ARSJ: variants seen among roughly 807,000 people sequenced by gnomAD.
ARSJ encodes the protein arylsulfatase family member J.
Under a neutral mutation model 35.9 loss-of-function variants are expected in ARSJ, and 26 were observed. The observed-to-expected ratio is 0.72, with a 90% CI of 0.53 to 1.00. ARSJ has a LOEUF of 1.00. ARSJ is among the 50% of genes least tolerant of loss of function. ARSJ has a pLI of 0.00. For missense variants in ARSJ, 667 were observed against 723.6 expected (o/e 0.92, Z 0.90); for synonymous variants, 294 against 267.6 (o/e 1.10, Z -0.96).
chr4:113,965,717 C>T (rs997686455), intron 1 of ARSJ, among the ~76,000 whole-genome samples: 1 of 151,946 alleles, frequency 6.6e-6, no homozygotes, highest in Admixed American at 6.6e-5. Flanking sequence ...ACTTTATGCT[C>T]AACTAAATCT....
intron 1 of ARSJ, among the ~76,000 whole-genome samples, chr4:113,925,937 G>C (rs1184290461): frequency 6.6e-6 from 1 of 152,156 alleles, no homozygotes; most frequent in Non-Finnish European, 1.5e-5. Context: ...AGCCAGGTCA[G>C]CCTTGGTGAG....
chr4:113,940,113 A>T (rs972546429), intron 1 of ARSJ, among the ~76,000 whole-genome samples: 1 of 152,114 alleles, frequency 6.6e-6, no homozygotes, highest in Non-Finnish European at 1.5e-5. Flanking sequence ...CAAAAACACC[A>T]TTTGCCCCAG....
At chr4:113,907,481 G>A (rs1158902297) in intron 1 of ARSJ, among the ~76,000 whole-genome samples, 1 of 151,930 alleles carries the variant, frequency 6.6e-6, no homozygotes, top group East Asian at 1.9e-4. Flanking sequence ...TTAGTTGGGG[G>A]TAAGAATGAT....
chr4:113,922,255 C>A (rs1394545132), intron 1 of ARSJ, among the ~76,000 whole-genome samples: 10 of 152,046 alleles, frequency 6.6e-5, no homozygotes, highest in Admixed American at 6.6e-4. Context: ...TACAAACCAG[C>A]CCAAATCAAA....
intron 1 of ARSJ, among the ~76,000 whole-genome samples, chr4:113,934,635 G>T (rs1724658254): frequency 1.3e-5 from 2 of 151,654 alleles, no homozygotes; most frequent in South Asian, 4.2e-4. Flanking sequence ...AGCTAGAAGA[G>T]AATAATTTGA....
chr4:113,903,971 G>A (rs965340549), intron 1 of ARSJ, among the ~76,000 whole-genome samples: 2 of 152,190 alleles, frequency 1.3e-5, no homozygotes, highest in Non-Finnish European at 2.9e-5. Flanking sequence ...CACCCAGGGT[G>A]GAGTGCAGTG....
chr4:113,919,323 G>A (rs9995469), intron 1 of ARSJ, among the ~76,000 whole-genome samples: 107,598 of 151,906 alleles, frequency 0.71, 38,889 homozygotes, highest in East Asian at 0.81. Flanking sequence ...AGAAAAGGCC[G>A]AACCAAGGTG....
rs1452936231 is a variant in ARSJ, at chr4:113,902,642, T to G, written c.1432A>C (p.Asn478His). 5.6e-6 allele frequency: 9 copies of G among 1,614,070 alleles called. No homozygotes were observed. Residue 478 changes from asparagine (N) to histidine (H), a missense_variant, in exon 2 of 2, where the codon AAC becomes CAC. By Grantham distance (68) the Asn-to-His change is moderately conservative. Transcript: ENST00000315366. ...PPQSFSNLGP[N>H]RWHNERITLS... ...GTGATCCGTTCATTGTGCCACCGGT[T>G]CGGTCCCAGGTTGCTGAAAGACTGA...
chr4:113,924,847 G>T (rs560407682), intron 1 of ARSJ, among the ~76,000 whole-genome samples: 1 of 152,112 alleles, frequency 6.6e-6, no homozygotes, highest in Non-Finnish European at 1.5e-5. Context: ...TCACATGGTC[G>T]TAGCTGGTAT....
At chr4:113,978,340 C>T in intron 1 of ARSJ, 97 bp downstream of exon 1, 1 of 1,157,680 alleles carries the variant, frequency 8.6e-7, no homozygotes, top group South Asian at 1.5e-5. Flanking sequence ...TCAGTTGTTC[C>T]CCATACTTTC....
At chr4:113,943,556 G>T (rs1223412195) in intron 1 of ARSJ, 1 of 152,026 alleles carries the variant, frequency 6.6e-6, no homozygotes, top group Non-Finnish European at 1.5e-5. Context: ...GGAGCCAGAT[G>T]ATAAAAAAAT....
chr4:113,938,689 T>C (rs920311911), intron 1 of ARSJ, among the ~76,000 whole-genome samples: 33 of 151,254 alleles, frequency 2.2e-4, no homozygotes, highest in Non-Finnish European at 4.7e-4. Flanking sequence ...TACAGACCTA[T>C]CCAGAATATA....
intron 1 of ARSJ, among the ~76,000 whole-genome samples, chr4:113,939,665 T>C (rs1334197763): frequency 6.6e-6 from 1 of 152,118 alleles, no homozygotes; most frequent in African/African-American, 2.4e-5. Context: ...TGGCCAGTGA[T>C]GATGAGCATT....
chr4:113,924,076 A>AATATATATATATATATAT (rs1164333093), intron 1 of ARSJ, among the ~76,000 whole-genome samples: 6 of 95,736 alleles, frequency 6.3e-5, no homozygotes, highest in African/African-American at 1.9e-4. Flanking sequence ...AATATATATA[A>AATATATATATATATATAT]ATATATATAT....
At chr4:113,949,364 C>T (rs576146587) in intron 1 of ARSJ, among the ~76,000 whole-genome samples, 11 of 152,072 alleles carry the variant, frequency 7.2e-5, no homozygotes, top group Non-Finnish European at 1.3e-4. Flanking sequence ...AACAACAAAA[C>T]GAAATATGCT....
chr4:113,928,882 C>A (rs1254835246), intron 1 of ARSJ, among the ~76,000 whole-genome samples: 2 of 152,128 alleles, frequency 1.3e-5, no homozygotes, highest in African/African-American at 4.8e-5. Flanking sequence ...ATCTACTCCA[C>A]CATCCCAATC....
chr4:113,963,262 A>T lies in ARSJ; in HGVS notation c.398+15175T>A, dbSNP rs75043744. 0.013 allele frequency among the ~76,000 whole-genome samples: 2,046 copies of T among 152,156 alleles called. 115 individuals are homozygous for T. The East Asian group carries it at 0.16, about 12-fold the overall frequency. On this transcript the variant is annotated intron_variant, in intron 1 of 1. Coordinates refer to ENST00000315366, the MANE Select transcript of ARSJ (RefSeq NM_024590.4). Reference sequence around the variant, plus strand: ...CAACTTATATATTTCCCAGTGTATTAGTCCATCCTCATGTTGCTATAAAGG... The same window carrying T: ...CAACTTATATATTTCCCAGTGTATTTGTCCATCCTCATGTTGCTATAAAGG...
intron 1 of ARSJ, among the ~76,000 whole-genome samples, chr4:113,962,377 G>T (rs945549357): frequency 1.3e-5 from 2 of 151,774 alleles, no homozygotes; most frequent in African/African-American, 4.8e-5. Flanking sequence ...GTCAGAAAAA[G>T]AAGGGAGAAA....
chr4:113,901,851 ATGCTACCCTGTAACTTCCATCAAATT>A lies in ARSJ; in HGVS notation c.*397_*422del. On this transcript the variant is annotated 3_prime_UTR_variant, in exon 2 of 2. Coordinates refer to ENST00000315366, the MANE Select transcript of ARSJ (RefSeq NM_024590.4). ...TAATTTATCAAAGGTAGTTTTAATCATGCTACCCTGTAACTTCCATCAAATTAGCATGCTTGCGGATGGTATACCCT... is the reference window on the plus strand; with the variant it reads ...TAATTTATCAAAGGTAGTTTTAATCAAGCATGCTTGCGGATGGTATACCCT... 5.1e-6 allele frequency: 1 copy of A among 194,558 alleles called. No individual in the cohort carries two copies. Among genetic ancestry groups the A allele is most frequent in the Non-Finnish European group, 1.1e-5 (1 of 93,364 alleles). The allele number at this position is 194,558 out of a possible 1,614,324, so 12.1% of individuals were successfully genotyped here. A position where few individuals can be genotyped will look rare whatever the true frequency, so the allele number is the denominator to read the frequency against.
Sources: allele counts gnomAD v4.1 joint callset (sites outside exome capture counted in the v4.1 genomes callset), GRCh38; gene constraint gnomAD v4.1.1; transcripts MANE v1.5; gene names NCBI Gene and HGNC (gene_info 2026-07-23, HGNC 2026-07-21).